ARID1B: variants seen among roughly 807,000 people sequenced by gnomAD.
ARID1B encodes AT-rich interactive domain-containing protein 1B.
In ARID1B, 30 loss-of-function variants were observed where a neutral mutation model predicts 212.3. The observed-to-expected ratio is 0.14, with a 90% CI of 0.11 to 0.19. The LOEUF (loss-of-function observed/expected upper bound fraction) is 0.19, where lower values mean the gene tolerates loss of function less well. Among genes scored for constraint, ARID1B ranks in the 10% least tolerant of loss-of-function variants. The pLI, the probability that ARID1B is intolerant of heterozygous loss-of-function variation, is 1.00. For missense variants in ARID1B, 2,891 were observed against 3,204.0 expected (o/e 0.90, Z 2.36); for synonymous variants, 1,402 against 1,301.7 (o/e 1.08, Z -1.66).
chr6:157,064,968 A>C (rs1783576846), intron 4 of ARID1B, among the ~76,000 whole-genome samples: 1 of 152,186 alleles, frequency 6.6e-6, no homozygotes. Flanking sequence ...CTCCATTTTC[A>C]AGTCCAAATG....
intron 4 of ARID1B, among the ~76,000 whole-genome samples, chr6:156,966,381 C>CTTTCT (rs1794742120): frequency 1.2e-4 from 11 of 89,436 alleles, no homozygotes; most frequent in African/African-American, 4.2e-4. Flanking sequence ...CTTTTCTTTT[C>CTTTCT]TTTTCTTTTT....
At chr6:157,140,640 C>G in intron 7 of ARID1B, 2 of 398,582 alleles carry the variant, frequency 5.0e-6, no homozygotes, top group Non-Finnish European at 4.4e-6. Context: ...TGGAGTAACA[C>G]GTAGCTTTCC....
At position 156,893,060 on chromosome 6, in the gene ARID1B, T is replaced by TTTTTTTTTTG. The variant is rs1268821728; in HGVS notation, c.1987-8316_1987-8315insTTTTTTTTTG. 8.0e-5 allele frequency among the ~76,000 whole-genome samples: 11 copies of TTTTTTTTTTG among 137,762 alleles called. 3 individuals are homozygous for TTTTTTTTTTG. The highest frequency in any genetic ancestry group is 1.1e-4 in the Non-Finnish European group (7 of 64,622). The allele number at this position is 137,762 out of a possible 152,430, so 90.4% of individuals were successfully genotyped here. A position where few individuals can be genotyped will look rare whatever the true frequency, so the allele number is the denominator to read the frequency against. On this transcript the variant is annotated intron_variant, in intron 2 of 19. Transcript: ENST00000636930. ...TTTTTTCTTCCTTTTTTTTTTTTTTTGAGATGGAGTCTTGCCCTGTCACCC... is the reference window on the plus strand; with the variant it reads ...TTTTTTCTTCCTTTTTTTTTTTTTTTTTTTTTTTTGGAGATGGAGTCTTGCCCTGTCACCC...
At chr6:156,897,191 A>ACTGCTGCTGCTGCTGCTGCTG (rs576037969) in intron 2 of ARID1B, among the ~76,000 whole-genome samples, 49 of 112,082 alleles carry the variant, frequency 4.4e-4, no homozygotes, top group African/African-American at 1.6e-3. Context: ...TGCTGCTGCT[A>ACTGCTGCTGCTGCTGCTGCTG]CTGCTGCTGC....
rs577050858 is a variant in ARID1B, at chr6:156,983,893, G to A, written c.2247+48317G>A. 4.6e-5 allele frequency among the ~76,000 whole-genome samples: 7 copies of A among 152,168 alleles called. No individual in the cohort carries two copies. The South Asian group carries it at 6.2e-4, about 14-fold the overall frequency. ...GTTAATTTGTTCCTTCTAGTTACCC[G>A]ATTTCCTGCACCCCTCAGCCAGTTA... On this transcript the variant is annotated intron_variant, in intron 4 of 19. Transcript: ENST00000636930.
At chr6:156,928,557 C>A (rs1395220258) in intron 3 of ARID1B, among the ~76,000 whole-genome samples, 2 of 152,168 alleles carry the variant, frequency 1.3e-5, no homozygotes, top group Non-Finnish European at 2.9e-5. Context: ...CAGTTAAGGA[C>A]CTCCTGTAGA....
intron 4 of ARID1B, among the ~76,000 whole-genome samples, chr6:157,003,187 A>G (rs181910182): frequency 6.6e-6 from 1 of 152,346 alleles, no homozygotes; most frequent in Admixed American, 6.5e-5. Context: ...CTGGGACATG[A>G]TCTGAGTACA....
chr6:156,979,675 A>G (rs1370458969), intron 4 of ARID1B, among the ~76,000 whole-genome samples: 1 of 151,658 alleles, frequency 6.6e-6, no homozygotes, highest in East Asian at 1.9e-4. Flanking sequence ...CTCCTACCCC[A>G]GCCTCCTGAG....
At position 156,909,595 on chromosome 6, in the gene ARID1B, G is replaced by A. The variant is rs191951703; in HGVS notation, c.2136+8070G>A. Among the ~76,000 whole-genome samples the A allele has an allele frequency of 2.0e-4, 31 of 152,222 alleles. No homozygotes were observed. The East Asian group carries it at 5.8e-3, about 28-fold the overall frequency. On this transcript the variant is annotated intron_variant, in intron 3 of 19. Transcript: ENST00000636930. ...AAACAAGATTTATTACATTGATTTG[G>A]TTCTGAAGCCTTTTTATCTAGGACA...
intron 1 of ARID1B, 107 bp downstream of exon 1, chr6:156,779,578 G>T: frequency 8.9e-7 from 1 of 1,117,352 alleles, no homozygotes; most frequent in Non-Finnish European, 1.1e-6. Flanking sequence ...CCGCGGGGGC[G>T]GCGGGGGCGC....
chr6:157,115,543 C>G (rs578204534), intron 6 of ARID1B, among the ~76,000 whole-genome samples: 1 of 152,320 alleles, frequency 6.6e-6, no homozygotes, highest in Non-Finnish European at 1.5e-5. Flanking sequence ...TCTCCTGCCT[C>G]AGCCTCCCGA....
intron 6 of ARID1B, among the ~76,000 whole-genome samples, chr6:157,131,508 G>A (rs1456708101): frequency 6.6e-6 from 1 of 152,138 alleles, no homozygotes; most frequent in Non-Finnish European, 1.5e-5. Flanking sequence ...AGGCTTTGCT[G>A]AGGGAAGGAG....
intron 4 of ARID1B, among the ~76,000 whole-genome samples, chr6:156,962,605 C>A (rs182941146): frequency 2.6e-5 from 4 of 152,042 alleles, no homozygotes; most frequent in African/African-American, 9.7e-5. Context: ...ACTTCAGCCC[C>A]CCAAGTAGCT....
intron 4 of ARID1B, chr6:156,943,113 G>T (rs1230709562): frequency 6.6e-6 from 1 of 152,140 alleles, no homozygotes; most frequent in Non-Finnish European, 1.5e-5. Context: ...CACAATGTAG[G>T]ATTTTAGAGG....
At chr6:157,204,812 G>A (rs1184988178) in intron 19 of ARID1B, 1 of 152,176 alleles carries the variant, frequency 6.6e-6, no homozygotes, top group Admixed American at 6.5e-5. Flanking sequence ...TTTCCCTATA[G>A]TATACAAACA....
At chr6:156,802,841 G>A (rs1300691938) in intron 1 of ARID1B, among the ~76,000 whole-genome samples, 1 of 152,236 alleles carries the variant, frequency 6.6e-6, no homozygotes, top group Non-Finnish European at 1.5e-5. Context: ...AGAGGTGGAT[G>A]AATATATGTG....
chr6:156,935,517 G>A lies in ARID1B; in HGVS notation c.2188G>A (p.Gly730Arg), dbSNP rs573836252. ...TAGATCTCAACCTCCTCTGGCCCCC[G>A]GAAAACCTAACCATGAAGACTTGAA... Reference protein sequence around the residue: ...GTRSQPPLAPGKPNHEDLNLI... With the variant: ...GTRSQPPLAPRKPNHEDLNLI... The change falls in exon 4 of 20, where the codon GGA becomes AGA. Residue 730 changes from glycine to arginine, a missense_variant. This residue lies in a region of ARID1B where 1,643 missense variants were observed against 1,544.0 expected (regional missense o/e 1.06). Coordinates refer to ENST00000636930, the MANE Select transcript of ARID1B (RefSeq NM_001374828.1). The A allele has an allele frequency of 1.3e-5, 21 of 1,613,798 alleles. No homozygotes were observed. Among genetic ancestry groups the A allele is most frequent in the South Asian group, 5.5e-5 (5 of 91,070 alleles).
At chr6:157,178,864 T>C (rs1362229812) in intron 11 of ARID1B, among the ~76,000 whole-genome samples, 1 of 152,228 alleles carries the variant, frequency 6.6e-6, no homozygotes, top group Non-Finnish European at 1.5e-5. Flanking sequence ...GCTCTGTTCA[T>C]GATTCTATTC....
intron 4 of ARID1B, among the ~76,000 whole-genome samples, chr6:157,035,461 G>T (rs1313545886): frequency 1.3e-5 from 2 of 152,174 alleles, no homozygotes; most frequent in African/African-American, 4.8e-5. Context: ...ACCTAGCATT[G>T]TGAAAGTCAG....
Sources: allele counts gnomAD v4.1 joint callset (sites outside exome capture counted in the v4.1 genomes callset), GRCh38; gene constraint gnomAD v4.1.1; regional missense constraint gnomAD v4.1.1; transcripts MANE v1.5; gene names NCBI Gene and HGNC (gene_info 2026-07-23, HGNC 2026-07-21).